Variants in SP1 observed in about 807,000 individuals in gnomAD.
SP1 encodes Sp1 transcription factor.
SP1 carries 6 observed loss-of-function variants against 66.3 expected under a neutral mutation model. The observed-to-expected ratio is 0.09, with a 90% CI of 0.05 to 0.18. The LOEUF is 0.18. Ranked by LOEUF, SP1 falls within the 10% of genes least tolerant of loss-of-function variation. SP1 has a pLI of 1.00. For synonymous variants in SP1, 417 were observed against 360.8 expected (o/e 1.16, Z -1.77); for missense variants, 848 against 964.5 (o/e 0.88, Z 1.60).
chr12:53,388,789 G>A (rs1320892241), intron 3 of SP1, among the ~76,000 whole-genome samples: 1 of 152,002 alleles, frequency 6.6e-6, no homozygotes, highest in African/African-American at 2.4e-5. Context: ...AGACCAGCCT[G>A]GGCAACATAG....
In SP1 at chr12:53,415,414, GA is replaced by G. The variant is rs530586881; in HGVS notation, c.*4178del. The G allele has an allele frequency of 2.6e-5, 4 of 152,320 alleles. No individual in the cohort carries two copies. Among genetic ancestry groups the G allele is most frequent in the Non-Finnish European group, 5.9e-5 (4 of 68,020 alleles). 9.4% of individuals were successfully genotyped at this position (152,320 alleles called of 1,614,324 possible). A position where few individuals can be genotyped will look rare whatever the true frequency, so the allele number is the denominator to read the frequency against. ...TGCCTTAGATCCAAGGCAGGGAAAG[GA>G]AAAGAAGGGGGGTCTCTGGCTTTAT... is the stretch of plus-strand genomic sequence containing the variant. On this transcript the variant is annotated 3_prime_UTR_variant, in exon 6 of 6. Coordinates refer to ENST00000327443, the MANE Select transcript of SP1 (RefSeq NM_138473.3).
chr12:53,382,054 C>T, intron 2 of SP1, 56 bp from the exon 3 acceptor site: 1 of 1,539,118 alleles, frequency 6.5e-7, no homozygotes, highest in Non-Finnish European at 8.9e-7. Flanking sequence ...TATACTGCCC[C>T]CTAGGCTGGC....
intron 4 of SP1, among the ~76,000 whole-genome samples, chr12:53,408,548 G>A (rs971254800): frequency 4.0e-5 from 6 of 151,414 alleles, no homozygotes; most frequent in African/African-American, 9.7e-5. Context: ...CACCTGCCTC[G>A]GCCTCCAAAA....
Position 53,382,327 on chromosome 12 carries a change from G to C in SP1, c.380G>C (p.Ser127Thr). The C allele has an allele frequency of 6.2e-7, 1 of 1,614,212 alleles. No individual in the cohort carries two copies. Among genetic ancestry groups the C allele is most frequent in the Non-Finnish European group, 8.5e-7 (1 of 1,180,030 alleles). ...TPTSKEQSGS[S>T]TNGSNGSESS... ...ACCTCAAAGGAACAGAGTGGCAGCA[G>C]TACCAATGGCAGCAATGGCAGTGAG... Residue 127 changes from serine to threonine, a missense_variant, in exon 3 of 6, where the codon AGT becomes ACT. By Grantham distance (58) the Ser-to-Thr change is moderately conservative (BLOSUM62 1). Transcript: ENST00000327443.
At chr12:53,402,444 G>A (rs983158968) in intron 3 of SP1, among the ~76,000 whole-genome samples, 1 of 151,320 alleles carries the variant, frequency 6.6e-6, no homozygotes, top group Non-Finnish European at 1.5e-5. Flanking sequence ...GGCTGGTCTC[G>A]AACTCCTGAC....
chr12:53,398,679 A>G (rs796459032), intron 3 of SP1, among the ~76,000 whole-genome samples: 3 of 152,336 alleles, frequency 2.0e-5, no homozygotes, highest in African/African-American at 7.2e-5. Flanking sequence ...GGTTGTGCAC[A>G]AAGGACTGCT....
rs926041758 is a variant in SP1 at position 53,411,729 on chromosome 12, C to G, written c.*489C>G. The G allele has an allele frequency of 1.3e-5, 2 of 150,736 alleles. No individual in the cohort carries two copies. Among genetic ancestry groups the G allele is most frequent in the East Asian group, 1.9e-4 (1 of 5,160 alleles). 9.3% of individuals were successfully genotyped at this position (150,736 alleles called of 1,614,324 possible). ...GTTGGCTGGGAGGAGGAAGACCATT[C>G]TGTGACCAAAATACCTTGGTCATTT... On this transcript the variant is annotated 3_prime_UTR_variant, in exon 6 of 6. Transcript: ENST00000327443.
Position 53,411,656 on chromosome 12 carries a change from A to AT in SP1, c.*417dup, listed in dbSNP as rs1938891980. The AT allele has an allele frequency of 6.9e-6, 1 of 144,166 alleles. No individual in the cohort carries two copies. The highest frequency in any genetic ancestry group is 1.5e-5 in the Non-Finnish European group (1 of 65,410). 8.9% of individuals were successfully genotyped at this position (144,166 alleles called of 1,614,324 possible). A position where few individuals can be genotyped will look rare whatever the true frequency, so the allele number is the denominator to read the frequency against. ...AACAAAAAACAGATTCTATATTATT[A>AT]TATATATATATATATATATAAAGAT... On this transcript the variant is annotated 3_prime_UTR_variant, in exon 6 of 6. Coordinates refer to ENST00000327443, the MANE Select transcript of SP1 (RefSeq NM_138473.3).
Position 53,411,323 on chromosome 12 carries a change from A to G in SP1, c.*83A>G. Reference sequence around the variant, plus strand: ...GGTAGCATGGGTCCAAGAGACATGGAAGAGAGAGCCATGAAGCATTAAAAT... The same window carrying G: ...GGTAGCATGGGTCCAAGAGACATGGGAGAGAGAGCCATGAAGCATTAAAAT... On this transcript the variant is annotated 3_prime_UTR_variant, in exon 6 of 6. Coordinates refer to ENST00000327443, the MANE Select transcript of SP1 (RefSeq NM_138473.3). 8.9e-7 allele frequency: 1 copy of G among 1,122,772 alleles called. No homozygotes were observed. Among genetic ancestry groups the G allele is most frequent in the Non-Finnish European group, 1.3e-6 (1 of 778,644 alleles). 69.6% of individuals were successfully genotyped at this position (1,122,772 alleles called of 1,614,324 possible). A position where few individuals can be genotyped will look rare whatever the true frequency, so the allele number is the denominator to read the frequency against.
chr12:53,397,021 GT>G (rs1159217628), intron 3 of SP1, among the ~76,000 whole-genome samples: 1 of 151,588 alleles, frequency 6.6e-6, no homozygotes, highest in Non-Finnish European at 1.5e-5. Flanking sequence ...ACCCTGTTTT[GT>G]TTTTTGTTTT....
intron 3 of SP1, among the ~76,000 whole-genome samples, chr12:53,406,002 A>T (rs951533503): frequency 6.6e-6 from 1 of 151,174 alleles, no homozygotes; most frequent in South Asian, 2.1e-4. Flanking sequence ...ATAATAATAA[A>T]AAAAAACAAC....
At position 53,409,423 on chromosome 12, in the gene SP1, G is replaced by C. The variant is rs1240567794; in HGVS notation, c.1906G>C (p.Val636Leu). The change falls in exon 5 of 6, where the codon GTG becomes CTG. Residue 636 changes from valine (V) to leucine (L), a missense_variant. By Grantham distance (32) the Val-to-Leu change is conservative. Coordinates refer to ENST00000327443, the MANE Select transcript of SP1 (RefSeq NM_138473.3). ...HICHIQGCGK[V>L]YGKTSHLRAH... ...TTGCCACATCCAAGGCTGTGGGAAA[G>C]TGTATGGCAAGACCTCTCACCTGCG... 1 of 1,614,080 alleles carries C rather than the reference G, an allele frequency of 6.2e-7. No individual in the cohort carries two copies. Among genetic ancestry groups the C allele is most frequent in the South Asian group, 1.1e-5 (1 of 91,088 alleles).
In SP1 at chr12:53,414,007, T is replaced by C. The variant is rs1938947279; in HGVS notation, c.*2767T>C. ...TGGCCTCAAAACAGAAGCAGCTTCTTTTGTCTCCCAGCAGTAGTGAGCCAC... is the reference window on the plus strand; with the variant it reads ...TGGCCTCAAAACAGAAGCAGCTTCTCTTGTCTCCCAGCAGTAGTGAGCCAC... On this transcript the variant is annotated 3_prime_UTR_variant, in exon 6 of 6. Transcript: ENST00000327443. 1 of 152,138 alleles carries C rather than the reference T, an allele frequency of 6.6e-6. No individual in the cohort carries two copies. Among genetic ancestry groups the C allele is most frequent in the African/African-American group, 2.4e-5 (1 of 41,436 alleles). 9.4% of individuals were successfully genotyped at this position (152,138 alleles called of 1,614,324 possible).
chr12:53,384,878 G>A (rs1011573547), intron 3 of SP1, among the ~76,000 whole-genome samples: 6 of 152,008 alleles, frequency 3.9e-5, no homozygotes, highest in African/African-American at 1.4e-4. Flanking sequence ...CCAGCTACTC[G>A]GGAGGCTAAG....
At chr12:53,409,060 A>G (rs1053497905) in intron 4 of SP1, among the ~76,000 whole-genome samples, 1 of 151,414 alleles carries the variant, frequency 6.6e-6, no homozygotes, top group East Asian at 2.0e-4. Flanking sequence ...CCTCATCTGC[A>G]CTAAAAATAT....
At chr12:53,395,006 G>A (rs1319832883) in intron 3 of SP1, among the ~76,000 whole-genome samples, 1 of 151,932 alleles carries the variant, frequency 6.6e-6, no homozygotes, top group Non-Finnish European at 1.5e-5. Flanking sequence ...CTGGGATTAT[G>A]GGCACAAGTT....
chr12:53,409,222 C>G (rs1400479636), intron 4 of SP1, 140 bp from the exon 5 acceptor site: 2 of 696,524 alleles, frequency 2.9e-6, no homozygotes, highest in Non-Finnish European at 4.7e-6. Flanking sequence ...GAGACTCTCT[C>G]AAAAAAACAA....
chr12:53,388,869 A>G (rs971745784), intron 3 of SP1, among the ~76,000 whole-genome samples: 1 of 151,802 alleles, frequency 6.6e-6, no homozygotes, highest in African/African-American at 2.4e-5. Flanking sequence ...AGTCCCAGCT[A>G]CTTGGGAGGC....
intron 3 of SP1, among the ~76,000 whole-genome samples, chr12:53,395,653 T>C (rs1938472016): frequency 6.6e-6 from 1 of 152,120 alleles, no homozygotes; most frequent in Admixed American, 6.6e-5. Flanking sequence ...CCCTAGCTTC[T>C]TGGAGTCCTT....
Sources: gnomAD v4.1 joint callset for allele counts (sites outside exome capture counted in the v4.1 genomes callset) on GRCh38, gnomAD v4.1.1 for gene constraint, MANE v1.5 for transcripts, NCBI Gene and HGNC (gene_info 2026-07-23, HGNC 2026-07-21) for gene names.